Variants in NLRP2 observed in about 807,000 individuals in gnomAD.
The protein encoded by NLRP2 is NACHT, LRR and PYD domains-containing protein 2.
A neutral mutation model predicts 97.2 loss-of-function variants in NLRP2; 107 were observed. The observed-to-expected ratio is 1.10, with a 90% CI of 0.94 to 1.29. The LOEUF (loss-of-function observed/expected upper bound fraction) is 1.29, where lower values mean the gene tolerates loss of function less well. NLRP2 is among the 50% of genes most tolerant of loss of function. The pLI, the probability that NLRP2 is intolerant of heterozygous loss-of-function variation, is 0.00. For missense variants in NLRP2, 1,495 were observed against 1,330.3 expected (o/e 1.12, Z -1.93); for synonymous variants, 663 against 551.5 (o/e 1.20, Z -2.83).
intron 3 of NLRP2, among the ~76,000 whole-genome samples, chr19:54,975,433 TTA>T (rs1240701979): frequency 1.5e-5 from 2 of 136,580 alleles, no homozygotes; most frequent in Non-Finnish European, 3.1e-5. Flanking sequence ...TACCAGCTAC[TTA>T]TATCCTGAAG....
chr19:54,977,360 G>A (rs59004768), intron 3 of NLRP2, among the ~76,000 whole-genome samples: 28,361 of 151,884 alleles, frequency 0.19, 3,082 homozygotes, highest in Non-Finnish European at 0.25. Flanking sequence ...GGCGGAGGTT[G>A]CAGTGAGCCG....
In NLRP2 at chr19:54,983,468, A is replaced by C. The variant is rs780547731; in HGVS notation, c.1770A>C (p.Ile590=). The C allele has an allele frequency of 1.9e-6, 3 of 1,614,132 alleles. No homozygotes were observed. Among genetic ancestry groups the C allele is most frequent in the Admixed American group, 3.3e-5 (2 of 60,004 alleles). Residue 590 remains isoleucine (I), a synonymous_variant, in exon 6 of 13, where the codon ATA becomes ATC. Coordinates refer to ENST00000448584, the MANE Select transcript of NLRP2 (RefSeq NM_017852.5). ...DIKQELLRCD[I]SCKGGHSTVT... ...AACAGGAATTGCTGCGATGCGACAT[A>C]AGTTGTAAGGGTGGACATTCAACGG...
chr19:54,988,099 T>C (rs2072218953), intron 8 of NLRP2, among the ~76,000 whole-genome samples: 1 of 152,144 alleles, frequency 6.6e-6, no homozygotes, highest in African/African-American at 2.4e-5. Flanking sequence ...TTAGGCTGCT[T>C]AATGGGATCT....
rs1306412324 is a variant in NLRP2, at chr19:54,985,202, A to G, written c.2186A>G (p.His729Arg). 1 of 1,614,060 alleles carries G rather than the reference A, an allele frequency of 6.2e-7. No homozygotes were observed. The highest frequency in any genetic ancestry group is 1.1e-5 in the South Asian group (1 of 91,080). The change falls in exon 7 of 13, where the codon CAT becomes CGT. Residue 729 changes from histidine (H) to arginine (R), a missense_variant. His to Arg is a conservative substitution (Grantham distance 29). Transcript: ENST00000448584. The part of the protein sequence containing the change: ...LCEQIASDTC[H>R]LQRVVFKNIS... ...GAACAAATAGCCTCTGACACCTGTC[A>G]TCTCCAGAGAGTGGTGTAAGTAGAA...
chr19:54,986,217 T>G lies in NLRP2; in HGVS notation c.2268T>G (p.Thr756=), dbSNP rs1392162027. The G allele has an allele frequency of 9.3e-6, 15 of 1,613,412 alleles. No individual in the cohort carries two copies. The highest frequency in any genetic ancestry group is 2.2e-5 in the South Asian group (2 of 91,058). The change falls in exon 8 of 13, where the codon ACT becomes ACG. Residue 756 remains threonine (T), a synonymous_variant. Transcript: ENST00000448584. The part of the protein sequence containing the change: ...NLCLALRGHK[T]VTYLTLQGND... The stretch of plus-strand genomic sequence containing the variant: ...GCCTAGCTCTTCGAGGTCACAAGAC[T>G]GTAACGTATCTGACCCTTCAAGGCA...
In NLRP2 at chr19:54,968,420, G is replaced by A. The variant is rs546444091; in HGVS notation, c.-17-1579G>A. On this transcript the variant is annotated intron_variant, in intron 1 of 12. Coordinates refer to ENST00000448584, the MANE Select transcript of NLRP2 (RefSeq NM_017852.5). ...GCTCACTGCAGCCTTAACTTCCCTG[G>A]CTCAGGTGATCCTCCCACCTCAGCC... 2.6e-4 allele frequency among the ~76,000 whole-genome samples: 39 copies of A among 148,664 alleles called. 1 individual carries two copies. Among genetic ancestry groups the A allele is most frequent in the African/African-American group, 9.7e-4 (39 of 40,398 alleles).
At chr19:54,974,014 G>A (rs1375748570) in intron 2 of NLRP2, 2 of 1,273,638 alleles carry the variant, frequency 1.6e-6, no homozygotes, top group South Asian at 2.4e-5. Context: ...TTGTGCTAAG[G>A]CTTGAGTGCC....
At chr19:54,979,778 C>T (rs2071457499) in intron 4 of NLRP2, among the ~76,000 whole-genome samples, 1 of 152,046 alleles carries the variant, frequency 6.6e-6, no homozygotes, top group Non-Finnish European at 1.5e-5. Flanking sequence ...TCCTGGCACA[C>T]AATCTTTTTT....
intron 10 of NLRP2, chr19:54,993,277 T>C (rs1311053486): frequency 1.3e-5 from 2 of 152,152 alleles, no homozygotes; most frequent in African/African-American, 4.8e-5. Flanking sequence ...GGGGTGTGTT[T>C]TCACTTCTCC....
intron 6 of NLRP2, 59 bp downstream of exon 6, chr19:54,983,787 A>G: frequency 6.3e-7 from 1 of 1,597,514 alleles, no homozygotes; most frequent in South Asian, 1.1e-5. Flanking sequence ...ATGCCCCCTT[A>G]GGAAGAGGCC....
intron 2 of NLRP2, among the ~76,000 whole-genome samples, chr19:54,971,817 C>T (rs2070871449): frequency 6.6e-6 from 1 of 151,754 alleles, no homozygotes; most frequent in Non-Finnish European, 1.5e-5. Context: ...CAATAAAATG[C>T]ACATGAACTA....
intron 8 of NLRP2, chr19:54,989,651 G>A (rs2072325908): frequency 2.7e-6 from 1 of 367,100 alleles, no homozygotes; most frequent in African/African-American, 2.1e-5. Context: ...CAACCAGTGA[G>A]ATGTAAACCA....
At chr19:54,976,808 C>CTTTTTTTTTTTTTT in intron 3 of NLRP2, 2 of 229,352 alleles carry the variant, frequency 8.7e-6, no homozygotes, top group African/African-American at 1.5e-4. Flanking sequence ...ACCTTGTTCT[C>CTTTTTTTTTTTTTT]TCTCTTTTTT....
At chr19:54,998,106 C>T (rs534799428) in intron 12 of NLRP2, among the ~76,000 whole-genome samples, 1 of 150,856 alleles carries the variant, frequency 6.6e-6, no homozygotes, top group Non-Finnish European at 1.5e-5. Context: ...GCAACCTCCA[C>T]CTCCCAGGTT....
chr19:54,986,369 G>A (rs762918461), intron 8 of NLRP2, 54 bp downstream of exon 8: 38 of 1,524,226 alleles, frequency 2.5e-5, no homozygotes, highest in Non-Finnish European at 3.5e-5. Context: ...GCTACCACAA[G>A]CTTATGTGGC....
intron 10 of NLRP2, among the ~76,000 whole-genome samples, chr19:54,992,292 C>T (rs973003572): frequency 2.0e-5 from 3 of 152,014 alleles, no homozygotes; most frequent in African/African-American, 4.8e-5. Flanking sequence ...AGTAACTAAT[C>T]TAGGATATGT....
chr19:54,984,380 C>G (rs2071899984), intron 6 of NLRP2, among the ~76,000 whole-genome samples: 1 of 128,044 alleles, frequency 7.8e-6, no homozygotes, highest in South Asian at 2.4e-4. Context: ...CTATGTTGTC[C>G]AGGCTGGTCT....
chr19:54,990,614 G>C lies in NLRP2; in HGVS notation c.2650G>C (p.Gly884Arg), dbSNP rs59779270. The C allele has an allele frequency of 1.2e-6, 2 of 1,614,190 alleles. No homozygotes were observed. The highest frequency in any genetic ancestry group is 1.3e-5 in the African/African-American group (1 of 75,042). ...CLAKNPIGNTGVKFLCEGLRY... is the reference protein window; with the variant it reads ...CLAKNPIGNTRVKFLCEGLRY... ...GGCCAAGAACCCCATTGGGAATACAGGGGTGAAGTTTCTGTGTGAGGGCTT... is the reference window on the plus strand; with the variant it reads ...GGCCAAGAACCCCATTGGGAATACACGGGTGAAGTTTCTGTGTGAGGGCTT... Residue 884 changes from glycine (G) to arginine (R), a missense_variant, in exon 10 of 13, where the codon GGG (glycine) becomes CGG (arginine). By Grantham distance (125) the Gly-to-Arg change is moderately radical. Transcript: ENST00000448584.
intron 2 of NLRP2, among the ~76,000 whole-genome samples, chr19:54,973,052 G>C (rs1018543867): frequency 3.3e-5 from 5 of 151,952 alleles, no homozygotes; most frequent in African/African-American, 1.2e-4. Flanking sequence ...TCAGCCGGGC[G>C]TGGTGGCACA....
Sources: allele counts gnomAD v4.1 joint callset (sites outside exome capture counted in the v4.1 genomes callset), GRCh38; gene constraint gnomAD v4.1.1; transcripts MANE v1.5; gene names NCBI Gene and HGNC (gene_info 2026-07-23, HGNC 2026-07-21).